The following RFC3 variants were observed in gnomAD, a reference collection of about 807,000 sequenced individuals.
The protein encoded by RFC3 is replication factor C subunit 3.
In RFC3, 41 loss-of-function variants were observed where a neutral mutation model predicts 45.1. The observed-to-expected ratio is 0.91, with a 90% CI of 0.71 to 1.18. The LOEUF is 1.18. RFC3 is among the 50% of genes most tolerant of loss of function. The pLI is 0.00. For missense variants in RFC3, 423 were observed against 428.1 expected, an observed-to-expected ratio of 0.99 and a Z score of 0.10; for synonymous variants, 149 against 144.0, an observed-to-expected ratio of 1.03 and a Z score of -0.25.
At chr13:33,968,530 A>G (rs1433486942), downstream of RFC3, among the ~76,000 whole-genome samples, 1 of 152,246 alleles carries the variant, frequency 6.6e-6, no homozygotes. Flanking sequence ...ACCAGACTTT[A>G]CCAAAGCTTA....
At chr13:33,897,508 A>G (rs897163158) in intron 8 of RFC3, among the ~76,000 whole-genome samples, 1 of 152,100 alleles carries the variant, frequency 6.6e-6, no homozygotes, top group African/African-American at 2.4e-5. Flanking sequence ...AGAAAAAAAG[A>G]AAGGAGTTAG....
chr13:33,834,836 A>T (rs1216670288), intron 7 of RFC3, among the ~76,000 whole-genome samples: 1 of 152,086 alleles, frequency 6.6e-6, no homozygotes, highest in Non-Finnish European at 1.5e-5. Context: ...TGGTATTTTC[A>T]TGGTGTTTTG....
intron 8 of RFC3, among the ~76,000 whole-genome samples, chr13:33,925,128 A>G (rs2082796697): frequency 1.3e-5 from 2 of 148,200 alleles, no homozygotes; most frequent in Admixed American, 6.7e-5. Flanking sequence ...GTACATATAT[A>G]CATGCATATA....
At chr13:33,915,781 A>G (rs1270152452) in intron 8 of RFC3, among the ~76,000 whole-genome samples, 1 of 150,384 alleles carries the variant, frequency 6.6e-6, no homozygotes, top group Non-Finnish European at 1.5e-5. Context: ...TGAGGCAATA[A>G]TTATATTTCT....
intron 8 of RFC3, among the ~76,000 whole-genome samples, chr13:33,934,384 G>C (rs981558799): frequency 6.6e-6 from 1 of 151,720 alleles, no homozygotes; most frequent in Non-Finnish European, 1.5e-5. Flanking sequence ...AAGGTGATAA[G>C]GGCACATGAT....
chr13:33,904,308 T>C (rs1047059995), intron 8 of RFC3, among the ~76,000 whole-genome samples: 7 of 152,078 alleles, frequency 4.6e-5, no homozygotes, highest in Non-Finnish European at 8.8e-5. Context: ...CCTGTTTTTT[T>C]CTTCCTAATG....
At chr13:33,948,894 T>G (rs1468893569) in intron 8 of RFC3, among the ~76,000 whole-genome samples, 1 of 152,174 alleles carries the variant, frequency 6.6e-6, no homozygotes, top group Admixed American at 6.5e-5. Context: ...AACTTGCTTG[T>G]GATTTTGCAG....
intron 8 of RFC3, among the ~76,000 whole-genome samples, chr13:33,860,895 C>T (rs1593645628): frequency 7.1e-6 from 1 of 141,704 alleles, no homozygotes; most frequent in Non-Finnish European, 1.5e-5. Context: ...ACTTAAGAAA[C>T]ATATTAAATA....
downstream of RFC3, among the ~76,000 whole-genome samples, chr13:33,841,818 G>A (rs2082200840): frequency 6.6e-6 from 1 of 152,266 alleles, no homozygotes; most frequent in Non-Finnish European, 1.5e-5. Flanking sequence ...TAAAATAGGG[G>A]CATGATATTT....
intron 8 of RFC3, among the ~76,000 whole-genome samples, chr13:33,959,847 G>A (rs141444715): frequency 3.9e-5 from 6 of 152,152 alleles, no homozygotes; most frequent in African/African-American, 1.4e-4. Context: ...AAAGAAAAGA[G>A]GTCTAATTGG....
chr13:33,854,343 C>T (rs1301456802), intron 8 of RFC3, among the ~76,000 whole-genome samples: 5 of 152,116 alleles, frequency 3.3e-5, no homozygotes, highest in African/African-American at 1.2e-4. Context: ...GCAGCATTAG[C>T]TCTTACATAG....
Position 33,886,197 on chromosome 13 carries a change from G to A in RFC3, c.879+50980G>A, listed in dbSNP as rs1270628713. 4.6e-5 allele frequency among the ~76,000 whole-genome samples: 7 copies of A among 152,100 alleles called. 1 individual carries two copies. The highest frequency in any genetic ancestry group is 4.2e-4 in the South Asian group (2 of 4,818). On this transcript the variant is annotated intron_variant, in intron 8 of 8. Coordinates refer to the RFC3 transcript ENST00000434425. ...GAAGTGAAATGATGGAAAAAGCCGC[G>A]TAGACATAGCCACATGCCTGAACTA...
chr13:33,830,948 C>T (rs2082096880), intron 6 of RFC3, 93 bp downstream of exon 6: 2 of 1,041,484 alleles, frequency 1.9e-6, no homozygotes, highest in Non-Finnish European at 1.4e-6. Flanking sequence ...TTTCCATGGA[C>T]TGGGCAGGGG....
chr13:33,847,877 T>A (rs2082249670), intron 8 of RFC3: 1 of 152,230 alleles, frequency 6.6e-6, no homozygotes. Flanking sequence ...ATGGTTTCCC[T>A]GAGACAAATA....
At chr13:33,966,972 C>T (rs919610434), downstream of RFC3, among the ~76,000 whole-genome samples, 1 of 151,988 alleles carries the variant, frequency 6.6e-6, no homozygotes, top group African/African-American at 2.4e-5. Flanking sequence ...GCCTGGGCAA[C>T]ATGGCGAAAC....
At chr13:33,907,683 A>G (rs1027700959) in intron 8 of RFC3, among the ~76,000 whole-genome samples, 4 of 152,094 alleles carry the variant, frequency 2.6e-5, no homozygotes, top group Non-Finnish European at 5.9e-5. Flanking sequence ...AAGACAATGA[A>G]GAACAAGCTT....
intron 8 of RFC3, among the ~76,000 whole-genome samples, chr13:33,940,495 C>T (rs1308116708): frequency 1.3e-5 from 2 of 152,178 alleles, no homozygotes; most frequent in Non-Finnish European, 2.9e-5. Context: ...GAAAAGCATG[C>T]ATATTCTCCA....
downstream of RFC3, among the ~76,000 whole-genome samples, chr13:33,837,819 T>C (rs1371938402): frequency 2.0e-5 from 3 of 152,130 alleles, no homozygotes; most frequent in Non-Finnish European, 4.4e-5. Flanking sequence ...TTTTCTAATA[T>C]AATTTAAAGT....
chr13:33,823,602 G>A (rs1875679464), intron 2 of RFC3, among the ~76,000 whole-genome samples: 1 of 152,046 alleles, frequency 6.6e-6, no homozygotes, highest in African/African-American at 2.4e-5. Flanking sequence ...GTGTTAACAT[G>A]GGAAAGACTG....
Sources: allele counts gnomAD v4.1 joint callset (sites outside exome capture counted in the v4.1 genomes callset), GRCh38; gene constraint gnomAD v4.1.1; transcripts MANE v1.5; gene names NCBI Gene and HGNC (gene_info 2026-07-23, HGNC 2026-07-21).